KCNIP1: variants seen among roughly 807,000 people sequenced by gnomAD.
KCNIP1 encodes potassium voltage-gated channel interacting protein 1.
Under a neutral mutation model 33.0 loss-of-function variants are expected in KCNIP1, and 18 were observed. The ratio of observed to expected loss-of-function variants is 0.55; its 90% CI spans 0.38 to 0.81. KCNIP1 has a LOEUF of 0.81. KCNIP1 is among the 30% of genes least tolerant of loss of function. The pLI, the probability that KCNIP1 is intolerant of heterozygous loss-of-function variation, is 0.00. For missense variants in KCNIP1, 238 were observed against 271.6 expected (o/e 0.88, Z 0.87); for synonymous variants, 93 against 98.3 (o/e 0.95, Z 0.32).
chr5:170,648,829 T>C (rs1395876674), intron 1 of KCNIP1, among the ~76,000 whole-genome samples: 5 of 152,172 alleles, frequency 3.3e-5, no homozygotes, highest in Non-Finnish European at 7.3e-5. Context: ...GGGATGTTGA[T>C]GGTGGGGGAA....
intron 1 of KCNIP1, among the ~76,000 whole-genome samples, chr5:170,680,167 A>C (rs1468434843): frequency 6.6e-6 from 1 of 152,150 alleles, no homozygotes; most frequent in African/African-American, 2.4e-5. Flanking sequence ...AGAAGAGGAA[A>C]CTGGGCCTCA....
At chr5:170,701,957 G>A (rs1763112940) in intron 1 of KCNIP1, among the ~76,000 whole-genome samples, 1 of 152,096 alleles carries the variant, frequency 6.6e-6, no homozygotes, top group Non-Finnish European at 1.5e-5. Flanking sequence ...CGCCTTTCCT[G>A]AGCCTTCCTT....
chr5:170,566,727 T>C (rs1757218571), intron 1 of KCNIP1, among the ~76,000 whole-genome samples: 2 of 152,120 alleles, frequency 1.3e-5, no homozygotes, highest in African/African-American at 4.8e-5. Context: ...AGGATGGAGA[T>C]TAAACAGGTC....
At chr5:170,420,899 A>G (rs1291685008) in intron 1 of KCNIP1, among the ~76,000 whole-genome samples, 1 of 152,060 alleles carries the variant, frequency 6.6e-6, no homozygotes, top group Non-Finnish European at 1.5e-5. Flanking sequence ...GATTACTCAC[A>G]CTCTAAGGAC....
intron 1 of KCNIP1, among the ~76,000 whole-genome samples, chr5:170,568,363 G>A (rs1292360755): frequency 1.3e-5 from 2 of 151,934 alleles, no homozygotes; most frequent in Admixed American, 1.3e-4. Context: ...AAGCTCCTAG[G>A]GGCTGAAAGG....
chr5:170,495,738 G>A (rs913627523), intron 1 of KCNIP1, among the ~76,000 whole-genome samples: 10 of 152,182 alleles, frequency 6.6e-5, no homozygotes, highest in African/African-American at 1.4e-4. Context: ...AGTGAATGCC[G>A]CAGCTCAAAT....
intron 1 of KCNIP1, among the ~76,000 whole-genome samples, chr5:170,359,946 TGGC>T (rs1434271898): frequency 6.6e-6 from 1 of 152,236 alleles, no homozygotes; most frequent in Non-Finnish European, 1.5e-5. Flanking sequence ...CCATTTATCC[TGGC>T]ACTGCTGCAC....
intron 1 of KCNIP1, among the ~76,000 whole-genome samples, chr5:170,429,812 T>TTA (rs999626028): frequency 6.6e-6 from 1 of 152,216 alleles, no homozygotes; most frequent in Admixed American, 6.5e-5. Context: ...TTTTAAATGC[T>TTA]TATATATATA....
At position 170,598,894 on chromosome 5, in the gene KCNIP1, T is replaced by TGTGTGCGC. The variant is rs1433319235; in HGVS notation, c.61+94266_61+94267insCGCGTGTG. On this transcript the variant is annotated intron_variant, in intron 1 of 7. Coordinates refer to ENST00000328939, the MANE Select transcript of KCNIP1 (RefSeq NM_014592.4). ...TGCTCGTTCCCATAGCCCCGCTGTG[T>TGTGTGCGC]GTGTGTGCGCGTGTGTGTGTGTGTG... Among the ~76,000 whole-genome samples the TGTGTGCGC allele has an allele frequency of 2.8e-4, 36 of 128,952 alleles. No homozygotes were observed. The South Asian group carries it at 4.8e-3, about 17-fold the overall frequency. 84.6% of individuals were successfully genotyped at this position (128,952 alleles called of 152,430 possible). A position where few individuals can be genotyped will look rare whatever the true frequency, so the allele number is the denominator to read the frequency against.
chr5:170,432,963 C>T (rs111373659), intron 1 of KCNIP1, among the ~76,000 whole-genome samples: 2,982 of 152,102 alleles, frequency 0.02, 76 homozygotes, highest in South Asian at 0.06. Flanking sequence ...CAGGGAATGT[C>T]TCTTTAAAGA....
chr5:170,512,027 TC>T (rs143680149), intron 1 of KCNIP1, among the ~76,000 whole-genome samples: 1,923 of 152,174 alleles, frequency 0.013, 46 homozygotes, highest in African/African-American at 0.044. Context: ...CAACCCCGCC[TC>T]CCCCTAGATC....
chr5:170,425,138 C>T (rs992359805), intron 1 of KCNIP1, among the ~76,000 whole-genome samples: 1 of 152,216 alleles, frequency 6.6e-6, no homozygotes, highest in East Asian at 1.9e-4. Flanking sequence ...CAGCACTGAA[C>T]ACTGTCTCTA....
At chr5:170,387,357 G>T (rs1390821146) in intron 1 of KCNIP1, among the ~76,000 whole-genome samples, 1 of 152,118 alleles carries the variant, frequency 6.6e-6, no homozygotes, top group African/African-American at 2.4e-5. Flanking sequence ...TTCTGCTCAG[G>T]CGTCTCTTAA....
chr5:170,409,054 G>A (rs1033770340), intron 1 of KCNIP1, among the ~76,000 whole-genome samples: 1 of 152,160 alleles, frequency 6.6e-6, no homozygotes, highest in African/African-American at 2.4e-5. Context: ...ACGGGGAGAG[G>A]CTCTATTCTA....
chr5:170,676,238 G>A (rs1164857886), intron 1 of KCNIP1, among the ~76,000 whole-genome samples: 1 of 146,398 alleles, frequency 6.8e-6, no homozygotes, highest in Admixed American at 6.8e-5. Context: ...AGGTGGGAGG[G>A]AGGGAGGAAG....
At chr5:170,496,516 G>A (rs1478649190) in intron 1 of KCNIP1, among the ~76,000 whole-genome samples, 1 of 152,118 alleles carries the variant, frequency 6.6e-6, no homozygotes, top group African/African-American at 2.4e-5. Flanking sequence ...TTCCTTATGG[G>A]GCTATTGAAA....
chr5:170,667,115 C>G (rs1034639443), intron 1 of KCNIP1, among the ~76,000 whole-genome samples: 1 of 152,054 alleles, frequency 6.6e-6, no homozygotes, highest in African/African-American at 2.4e-5. Context: ...AGTTTGAAAC[C>G]GGCCTGACCA....
At chr5:170,731,216 C>T (rs557647199) in intron 5 of KCNIP1, among the ~76,000 whole-genome samples, 23 of 152,322 alleles carry the variant, frequency 1.5e-4, no homozygotes, top group African/African-American at 5.5e-4. Flanking sequence ...AATAAGACAT[C>T]TCAACACTAT....
At chr5:170,433,483 G>T (rs988604356) in intron 1 of KCNIP1, among the ~76,000 whole-genome samples, 14 of 152,198 alleles carry the variant, frequency 9.2e-5, no homozygotes, top group African/African-American at 3.4e-4. Context: ...CACTGTACCT[G>T]GCTGGTACCA....
Sources: gnomAD v4.1 joint callset for allele counts (sites outside exome capture counted in the v4.1 genomes callset) on GRCh38, gnomAD v4.1.1 for gene constraint, MANE v1.5 for transcripts, NCBI Gene and HGNC (gene_info 2026-07-23, HGNC 2026-07-21) for gene names.